PTPRR: variants seen among roughly 807,000 people sequenced by gnomAD.
The protein encoded by PTPRR is receptor-type tyrosine-protein phosphatase R.
A neutral mutation model predicts 77.2 loss-of-function variants in PTPRR; 38 were observed. The ratio of observed to expected loss-of-function variants is 0.49; its 90% CI spans 0.38 to 0.65. The LOEUF (loss-of-function observed/expected upper bound fraction) is 0.65. PTPRR is among the 30% of genes least tolerant of loss of function. PTPRR has a pLI of 0.00. For missense variants in PTPRR, 744 were observed against 799.2 expected (o/e 0.93, Z 0.83); for synonymous variants, 299 against 283.1 (o/e 1.06, Z -0.57).
At chr12:70,771,675 T>C (rs1358267910) in intron 2 of PTPRR, among the ~76,000 whole-genome samples, 1 of 152,202 alleles carries the variant, frequency 6.6e-6, no homozygotes, top group African/African-American at 2.4e-5. Context: ...AATTTTGCTT[T>C]AGTTTAGTTC....
rs552356469 is a variant in PTPRR at position 70,765,838 on chromosome 12, G to C, written c.358-1060C>G. On this transcript the variant is annotated intron_variant, in intron 2 of 13. Coordinates refer to ENST00000283228, the MANE Select transcript of PTPRR (RefSeq NM_002849.4). Reference sequence around the variant, plus strand: ...AAACTTCAAGAGGAACGATCAGACAGCAGCATTCGCAGTTCACAAACATCT... The same window carrying C: ...AAACTTCAAGAGGAACGATCAGACACCAGCATTCGCAGTTCACAAACATCT... Among the ~76,000 whole-genome samples, 17 of 152,316 alleles carry C rather than the reference G, an allele frequency of 1.1e-4. No individual in the cohort carries two copies. The South Asian group carries it at 3.5e-3, about 32-fold the overall frequency.
chr12:70,776,187 G>A (rs1164466677), intron 2 of PTPRR, among the ~76,000 whole-genome samples: 1 of 151,702 alleles, frequency 6.6e-6, no homozygotes, highest in South Asian at 2.1e-4. Context: ...ATCATATTTG[G>A]GTATCATCCC....
At chr12:70,692,714 T>A (rs1329825933) in intron 8 of PTPRR, among the ~76,000 whole-genome samples, 2 of 152,206 alleles carry the variant, frequency 1.3e-5, no homozygotes, top group African/African-American at 4.8e-5. Flanking sequence ...TCTTCCTCAT[T>A]ACTCAGGGCT....
At chr12:70,791,700 G>A (rs1193023720) in intron 2 of PTPRR, among the ~76,000 whole-genome samples, 2 of 152,090 alleles carry the variant, frequency 1.3e-5, no homozygotes, top group Non-Finnish European at 2.9e-5. Flanking sequence ...TAAACATAAT[G>A]CAAATATATG....
At chr12:70,806,993 G>A (rs1315060185) in intron 2 of PTPRR, among the ~76,000 whole-genome samples, 2 of 152,184 alleles carry the variant, frequency 1.3e-5, no homozygotes, top group Non-Finnish European at 2.9e-5. Flanking sequence ...TTACAGCTAG[G>A]TGTGGTCACA....
chr12:70,716,557 C>G (rs780072823), intron 6 of PTPRR, among the ~76,000 whole-genome samples: 2 of 152,176 alleles, frequency 1.3e-5, no homozygotes, highest in Non-Finnish European at 2.9e-5. Flanking sequence ...TGAGACCACT[C>G]TCTCAATTAT....
In PTPRR at chr12:70,764,716, C is replaced by T; in HGVS notation, c.420G>A (p.Val140=). Residue 140 remains valine (V), a synonymous_variant, in exon 3 of 14, where the codon GTG becomes GTA. Transcript: ENST00000283228. The stretch of plus-strand genomic sequence containing the variant: ...GGGGTAAGAGTCCTAAAGCTGCAGC[C>T]ACTCCTTGGCGGAAGATCCGAAGCA... ...ITLLRIFRQG[V]AAALGLLPQQ... 1 of 1,614,168 alleles carries T rather than the reference C, an allele frequency of 6.2e-7. No individual in the cohort carries two copies.
At chr12:70,823,102 C>G (rs537006667) in intron 2 of PTPRR, among the ~76,000 whole-genome samples, 41 of 128,118 alleles carry the variant, frequency 3.2e-4, no homozygotes, top group Non-Finnish European at 5.8e-4. Flanking sequence ...TGCTGTCTCT[C>G]TCTCTGACAC....
In PTPRR at chr12:70,641,291, A is replaced by G. The variant is rs1286050792; in HGVS notation, c.1881-2014T>C. 2.0e-5 allele frequency among the ~76,000 whole-genome samples: 3 copies of G among 151,918 alleles called. No individual in the cohort carries two copies. In the East Asian group the frequency reaches 5.8e-4, roughly 29 times the overall value. On this transcript the variant is annotated intron_variant, in intron 13 of 13. Coordinates refer to ENST00000283228, the MANE Select transcript of PTPRR (RefSeq NM_002849.4). ...GTATGTGGAAGCTTCTATGTGCTCC[A>G]CCTCTTAGGCTCTGGTCTGTCAGCT...
intron 5 of PTPRR, among the ~76,000 whole-genome samples, chr12:70,747,580 A>G (rs1298230432): frequency 2.0e-5 from 3 of 152,196 alleles, no homozygotes; most frequent in Non-Finnish European, 4.4e-5. Flanking sequence ...TATGATTTAT[A>G]TTAGTGTAAA....
chr12:70,905,090 G>C (rs1893601300), intron 1 of PTPRR, among the ~76,000 whole-genome samples: 2 of 148,502 alleles, frequency 1.3e-5, no homozygotes, highest in South Asian at 4.4e-4. Flanking sequence ...AAGATAGGAG[G>C]AGAGAGGACC....
At chr12:70,919,610 C>A (rs1200855640) in intron 1 of PTPRR, among the ~76,000 whole-genome samples, 1 of 150,082 alleles carries the variant, frequency 6.7e-6, no homozygotes, top group African/African-American at 2.4e-5. Context: ...CTTGGTTACA[C>A]CTTATCAAAT....
intron 6 of PTPRR, among the ~76,000 whole-genome samples, chr12:70,733,480 A>G (rs962375257): frequency 2.3e-5 from 2 of 85,808 alleles, no homozygotes; most frequent in African/African-American, 1.1e-4. Context: ...CAAAAAAAAA[A>G]AGAAAAAAAA....
intron 10 of PTPRR, among the ~76,000 whole-genome samples, chr12:70,670,512 G>C (rs947668915): frequency 6.6e-6 from 1 of 152,190 alleles, no homozygotes; most frequent in East Asian, 1.9e-4. Context: ...CTGAATTTAT[G>C]TGTGTTCAAA....
At chr12:70,717,027 A>G (rs1023602646) in intron 6 of PTPRR, among the ~76,000 whole-genome samples, 1 of 152,230 alleles carries the variant, frequency 6.6e-6, no homozygotes, top group African/African-American at 2.4e-5. Context: ...GGCAGATGGC[A>G]GTGAAGAATA....
intron 2 of PTPRR, among the ~76,000 whole-genome samples, chr12:70,872,377 A>G (rs1344360601): frequency 6.6e-6 from 1 of 151,654 alleles, no homozygotes; most frequent in South Asian, 2.1e-4. Flanking sequence ...AAGATAGCAG[A>G]AACATCCTCC....
chr12:70,867,539 A>T (rs1303312883), intron 2 of PTPRR, among the ~76,000 whole-genome samples: 1 of 151,830 alleles, frequency 6.6e-6, no homozygotes, highest in African/African-American at 2.4e-5. Context: ...ATAAAAGAGG[A>T]TACAAACAAA....
rs527769138 is a variant in PTPRR at position 70,763,126 on chromosome 12, G to A, written c.472-1500C>T. 3.8e-4 allele frequency among the ~76,000 whole-genome samples: 58 copies of A among 150,890 alleles called. 1 individual carries two copies. The South Asian group carries it at 0.011, about 28-fold the overall frequency. The stretch of plus-strand genomic sequence containing the variant: ...ATAAAAAATCTAGATCTAGATCCAA[G>A]ACTTTTTTTCTTTTTTTTTGAGATG... On this transcript the variant is annotated intron_variant, in intron 3 of 13. Transcript: ENST00000283228.
At chr12:70,685,004 G>A (rs1887808139) in intron 8 of PTPRR, 3 of 356,704 alleles carry the variant, frequency 8.4e-6, no homozygotes, top group Non-Finnish European at 1.0e-5. Context: ...CTAAGCTGAT[G>A]AGTTTATATT....
Sources: allele counts gnomAD v4.1 joint callset (sites outside exome capture counted in the v4.1 genomes callset), GRCh38; gene constraint gnomAD v4.1.1; transcripts MANE v1.5; gene names NCBI Gene and HGNC (gene_info 2026-07-23, HGNC 2026-07-21).